ADGRA3: variants seen among roughly 807,000 people sequenced by gnomAD.
ADGRA3 encodes G-protein coupled receptor 125.
ADGRA3 carries 56 observed loss-of-function variants against 119.8 expected under a neutral mutation model. The observed-to-expected ratio is 0.47, with a 90% CI of 0.38 to 0.58. The LOEUF (loss-of-function observed/expected upper bound fraction) is 0.58, where lower values mean the gene tolerates loss of function less well. Among genes scored for constraint, ADGRA3 ranks in the 20% least tolerant of loss-of-function variants. The pLI, the probability that ADGRA3 is intolerant of heterozygous loss-of-function variation, is 0.00. For missense variants in ADGRA3, 1,516 were observed against 1,649.0 expected, an observed-to-expected ratio of 0.92 and a Z score of 1.40; for synonymous variants, 607 against 623.8, an observed-to-expected ratio of 0.97 and a Z score of 0.40.
intron 4 of ADGRA3, among the ~76,000 whole-genome samples, chr4:22,449,234 C>T (rs528695952): frequency 2.7e-5 from 4 of 150,878 alleles, no homozygotes; most frequent in African/African-American, 9.8e-5. Flanking sequence ...TGCAGCACTG[C>T]ACTCCAACCT....
At chr4:22,427,202 A>C (rs900855764) in intron 10 of ADGRA3, among the ~76,000 whole-genome samples, 2 of 152,216 alleles carry the variant, frequency 1.3e-5, no homozygotes, top group Non-Finnish European at 2.9e-5. Context: ...CAAAACTTTA[A>C]AATACACAAA....
At chr4:22,490,731 A>C (rs144879191) in intron 1 of ADGRA3, among the ~76,000 whole-genome samples, 103 of 152,296 alleles carry the variant, frequency 6.8e-4, no homozygotes, top group African/African-American at 2.4e-3. Flanking sequence ...AAAACAAACA[A>C]TACTAGTGGA....
At chr4:22,434,243 T>C (rs1267423090) in intron 10 of ADGRA3, among the ~76,000 whole-genome samples, 1 of 148,854 alleles carries the variant, frequency 6.7e-6, no homozygotes, top group Admixed American at 6.7e-5. Context: ...AGTGTGTGTA[T>C]ATATAATTGA....
intron 1 of ADGRA3, among the ~76,000 whole-genome samples, chr4:22,490,077 T>C (rs2109147219): frequency 6.6e-6 from 1 of 152,346 alleles, no homozygotes; most frequent in East Asian, 1.9e-4. Context: ...CCTGATTTTT[T>C]TTCTATTTTC....
chr4:22,465,270 AC>A (rs1348730234), intron 2 of ADGRA3, among the ~76,000 whole-genome samples: 24 of 152,240 alleles, frequency 1.6e-4, no homozygotes. Context: ...TACAGGTAGT[AC>A]CCCCAAATTT....
chr4:22,507,551 C>A (rs984877563), intron 1 of ADGRA3, among the ~76,000 whole-genome samples: 8 of 152,170 alleles, frequency 5.3e-5, no homozygotes, highest in Non-Finnish European at 1.2e-4. Flanking sequence ...TGGAGCTGCA[C>A]TGGGAGCAAC....
Position 22,513,845 on chromosome 4 carries a change from C to CAAAAAAA in ADGRA3, c.257+1676_257+1682dup, listed in dbSNP as rs59015584. The stretch of plus-strand genomic sequence containing the variant: ...TATTTTCATCTAAAAAGCTTTCAGG[C>CAAAAAAA]AAAAAAAAAAAAAAAAAAAAAAAAA... On this transcript the variant is annotated intron_variant, in intron 1 of 18. Transcript: ENST00000334304. 2.0e-3 allele frequency among the ~76,000 whole-genome samples: 64 copies of CAAAAAAA among 31,480 alleles called. 4 individuals carry two copies. Among genetic ancestry groups the CAAAAAAA allele is most frequent in the African/African-American group, 5.9e-3 (60 of 10,144 alleles). The allele number at this position is 31,480 out of a possible 152,430, so 20.7% of individuals were successfully genotyped here.
intron 16 of ADGRA3, among the ~76,000 whole-genome samples, chr4:22,396,435 G>A (rs1381479597): frequency 2.0e-5 from 3 of 152,126 alleles, no homozygotes; most frequent in African/African-American, 7.2e-5. Context: ...GGTTGTCAGA[G>A]GTAAGAACCT....
intron 14 of ADGRA3, among the ~76,000 whole-genome samples, chr4:22,412,629 G>C (rs1003765768): frequency 6.6e-6 from 1 of 152,126 alleles, no homozygotes; most frequent in Non-Finnish European, 1.5e-5. Context: ...CCTGTAATTA[G>C]TGTTAACAAC....
intron 17 of ADGRA3, among the ~76,000 whole-genome samples, chr4:22,392,286 A>G (rs528557979): frequency 1.3e-5 from 2 of 152,252 alleles, no homozygotes; most frequent in South Asian, 4.2e-4. Context: ...TTGCCCATTT[A>G]CTCATTTATT....
Position 22,421,059 on chromosome 4 carries a change from C to A in ADGRA3, c.1636G>T (p.Val546Phe). The stretch of plus-strand genomic sequence containing the variant: ...CCCGTGAAGCCAGTAGACTTGATGA[C>A]ATAAGCTTCCAGAGCAATATTGGGT... ...YSPNIALEAYVIKSTGFTGMT... is the reference protein window; with the variant it reads ...YSPNIALEAYFIKSTGFTGMT... Residue 546 changes from valine to phenylalanine, a missense_variant, in exon 12 of 19, where the codon GTC becomes TTC. By Grantham distance (50) the Val-to-Phe change is conservative (BLOSUM62 -1). Transcript: ENST00000334304. The A allele has an allele frequency of 1.9e-6, 3 of 1,613,962 alleles. No individual in the cohort carries two copies. Among genetic ancestry groups the A allele is most frequent in the Non-Finnish European group, 2.5e-6 (3 of 1,179,896 alleles).
chr4:22,451,070 A>C (rs1372208666), intron 4 of ADGRA3, among the ~76,000 whole-genome samples: 1 of 150,972 alleles, frequency 6.6e-6, no homozygotes, highest in Non-Finnish European at 1.5e-5. Flanking sequence ...CTCAGTAACA[A>C]CCACCTTTTT....
chr4:22,492,326 T>A (rs550023552), intron 1 of ADGRA3, among the ~76,000 whole-genome samples: 1 of 152,168 alleles, frequency 6.6e-6, no homozygotes, highest in Non-Finnish European at 1.5e-5. Context: ...CCAGGCCTGG[T>A]TGGAACTTTT....
intron 1 of ADGRA3, among the ~76,000 whole-genome samples, chr4:22,492,617 C>T (rs1162396535): frequency 6.6e-6 from 1 of 152,070 alleles, no homozygotes; most frequent in Non-Finnish European, 1.5e-5. Context: ...AGAAAAATAA[C>T]ATAAGAAACA....
At chr4:22,506,653 G>A (rs988227733) in intron 1 of ADGRA3, among the ~76,000 whole-genome samples, 7 of 152,056 alleles carry the variant, frequency 4.6e-5, no homozygotes, top group African/African-American at 1.7e-4. Flanking sequence ...TGTGCCTTCT[G>A]GGAGGCACCT....
intron 3 of ADGRA3, among the ~76,000 whole-genome samples, chr4:22,456,818 C>T (rs1717257073): frequency 6.6e-6 from 1 of 152,144 alleles, no homozygotes; most frequent in African/African-American, 2.4e-5. Flanking sequence ...CATAGTTCTG[C>T]CTTCCCTCTG....
At chr4:22,459,834 A>C (rs1173533736) in intron 3 of ADGRA3, among the ~76,000 whole-genome samples, 1 of 152,190 alleles carries the variant, frequency 6.6e-6, no homozygotes, top group Non-Finnish European at 1.5e-5. Flanking sequence ...TATTGCTATC[A>C]GGAATACTCT....
chr4:22,394,590 T>C (rs564390138), intron 16 of ADGRA3: 3 of 152,310 alleles, frequency 2.0e-5, no homozygotes, highest in Non-Finnish European at 2.9e-5. Flanking sequence ...ACAAATCAGA[T>C]GCTGACTCAA....
intron 5 of ADGRA3, among the ~76,000 whole-genome samples, chr4:22,447,145 C>A (rs181274567): frequency 1.3e-4 from 20 of 151,892 alleles, no homozygotes; most frequent in African/African-American, 4.8e-4. Flanking sequence ...ATTAGTCAAA[C>A]AAGGCAACAT....
Sources: allele counts gnomAD v4.1 joint callset (sites outside exome capture counted in the v4.1 genomes callset), GRCh38; gene constraint gnomAD v4.1.1; transcripts MANE v1.5; gene names NCBI Gene and HGNC (gene_info 2026-07-23, HGNC 2026-07-21).